The following CACNA1B variants were observed in gnomAD, a reference collection of about 807,000 sequenced individuals.
CACNA1B encodes voltage-dependent N-type calcium channel subunit alpha-1B.
In CACNA1B, 70 loss-of-function variants were observed where a neutral mutation model predicts 247.2. The observed-to-expected ratio is 0.28, with a 90% confidence interval of 0.23 to 0.35. The LOEUF is 0.35. Among genes scored for constraint, CACNA1B ranks in the 10% least tolerant of loss-of-function variants. CACNA1B has a pLI of 1.00. For synonymous variants in CACNA1B, 1,231 were observed against 1,294.4 expected (o/e 0.95, Z 1.05); for missense variants, 2,367 against 3,197.4 (o/e 0.74, Z 6.26).
At chr9:138,108,546 A>T (rs112371978) in intron 39 of CACNA1B, among the ~76,000 whole-genome samples, 2 of 152,324 alleles carry the variant, frequency 1.3e-5, no homozygotes, top group African/African-American at 4.8e-5. Flanking sequence ...CTTTGCTCTG[A>T]TACCAAAACT....
At chr9:137,905,621 G>A (rs1957290634) in intron 3 of CACNA1B, among the ~76,000 whole-genome samples, 1 of 152,032 alleles carries the variant, frequency 6.6e-6, no homozygotes, top group African/African-American at 2.4e-5. Flanking sequence ...AATTTATTAG[G>A]TTTTCAACTT....
At position 138,117,978 on chromosome 9, in the gene CACNA1B, T is replaced by A; in HGVS notation, c.5810T>A (p.Val1937Asp). Reference sequence around the variant, plus strand: ...CAAGAGAGTGGCATCAAAGAGTCTGTCTCCTGGGGCACTCAAAGGACCCAG... The same window carrying A: ...CAAGAGAGTGGCATCAAAGAGTCTGACTCCTGGGGCACTCAAAGGACCCAG... The part of the protein sequence containing the change: ...QNQESGIKES[V>D]SWGTQRTQDA... Residue 1937 changes from valine to aspartate, a missense_variant, in exon 43 of 47, where the codon GTC becomes GAC. Physicochemically the swap from Val to Asp is radical, Grantham distance 152. Transcript: ENST00000371372. The A allele has an allele frequency of 6.3e-7, 1 of 1,592,548 alleles. No individual in the cohort carries two copies. Among genetic ancestry groups the A allele is most frequent in the Non-Finnish European group, 8.6e-7 (1 of 1,167,848 alleles).
rs182488610 is a variant in CACNA1B at position 138,049,668 on chromosome 9, C to T, written c.3710+353C>T. 1.4e-3 allele frequency among the ~76,000 whole-genome samples: 216 copies of T among 152,310 alleles called. 2 individuals are homozygous for T. The highest frequency in any genetic ancestry group is 5.1e-3 in the African/African-American group (211 of 41,562). ...CCTCTGGTGTGTCCAGCGTTTGCCT[C>T]CCAGGGTCCTTGGAGGCAACTTCAC... On this transcript the variant is annotated intron_variant, in intron 24 of 46. Coordinates refer to ENST00000371372, the MANE Select transcript of CACNA1B (RefSeq NM_000718.4).
At chr9:137,927,984 A>G (rs1957570624) in intron 6 of CACNA1B, among the ~76,000 whole-genome samples, 1 of 152,210 alleles carries the variant, frequency 6.6e-6, no homozygotes, top group South Asian at 2.1e-4. Context: ...TAAATCCCAC[A>G]TGGTCATGGT....
chr9:137,879,390 C>T (rs892885786), intron 2 of CACNA1B, among the ~76,000 whole-genome samples: 10 of 152,374 alleles, frequency 6.6e-5, no homozygotes, highest in African/African-American at 2.4e-4. Flanking sequence ...CCAGTCTGCC[C>T]TGTGCCACGA....
Position 138,102,863 on chromosome 9 carries a change from G to C in CACNA1B, c.5319+56G>C. ...GGAGGCTGTGTGTGCTTGCTGAGGG[G>C]TGCTTGCTGGCTCTCCCAGCTCCTC... On this transcript the variant is annotated intron_variant, in intron 38 of 46. Coordinates refer to ENST00000371372, the MANE Select transcript of CACNA1B (RefSeq NM_000718.4). The surrounding 1 kb of genome is among the most constrained non-coding windows in gnomAD (Gnocchi z 5.4). 2 of 1,105,820 alleles carry C rather than the reference G, an allele frequency of 1.8e-6. No homozygotes were observed. The highest frequency in any genetic ancestry group is 1.6e-5 in the African/African-American group (1 of 63,506). The allele number at this position is 1,105,820 out of a possible 1,614,324, so 68.5% of individuals were successfully genotyped here. A position where few individuals can be genotyped will look rare whatever the true frequency, so the allele number is the denominator to read the frequency against.
intron 31 of CACNA1B, among the ~76,000 whole-genome samples, chr9:138,064,033 G>A (rs1959828023): frequency 1.3e-5 from 2 of 152,186 alleles, no homozygotes; most frequent in African/African-American, 2.4e-5. Flanking sequence ...CTGGGCACAC[G>A]AGACCACTGA....
At position 138,058,760 on chromosome 9, in the gene CACNA1B, A is replaced by C. The variant is rs1314857447; in HGVS notation, c.4473+27A>C. 10 of 1,576,290 alleles carry C rather than the reference A, an allele frequency of 6.3e-6. No individual in the cohort carries two copies. Among genetic ancestry groups the C allele is most frequent in the African/African-American group, 1.3e-5 (1 of 74,182 alleles). ...TGTGTGGGGCTCAGCGCAGAGGGGC[A>C]GCTGGCGCTGCTAGGGATTGGGATC... On this transcript the variant is annotated intron_variant, in intron 29 of 46. Transcript: ENST00000371372. The surrounding 1 kb of genome is among the most constrained non-coding windows in gnomAD (Gnocchi z 4.7).
At chr9:137,935,701 T>C (rs1210748986) in intron 6 of CACNA1B, among the ~76,000 whole-genome samples, 1 of 152,242 alleles carries the variant, frequency 6.6e-6, no homozygotes, top group African/African-American at 2.4e-5. Flanking sequence ...ATGGTTGAAC[T>C]AGTTTACACT....
chr9:137,973,499 G>A lies in CACNA1B; in HGVS notation c.1543+1907G>A, dbSNP rs1036699766. ...AAATTGAGGCTCGAGTGGTTAAGAG[G>A]GGCACTGTCAGGACTTGCCATCCTG... is the stretch of plus-strand genomic sequence containing the variant. On this transcript the variant is annotated intron_variant, in intron 11 of 46. Transcript: ENST00000371372. The surrounding 1 kb of genome is among the most constrained non-coding windows in gnomAD (Gnocchi z 4.1). Among the ~76,000 whole-genome samples the A allele has an allele frequency of 2.7e-4, 41 of 152,180 alleles. No individual in the cohort carries two copies. The highest frequency in any genetic ancestry group is 2.5e-3 in the Admixed American group (38 of 15,284).
chr9:137,894,632 T>A (rs1232338482), intron 3 of CACNA1B, among the ~76,000 whole-genome samples: 2 of 152,050 alleles, frequency 1.3e-5, no homozygotes, highest in East Asian at 1.9e-4. Flanking sequence ...ATGATCTCGA[T>A]CTCCTGACCT....
chr9:137,942,968 A>AT (rs61569841), intron 6 of CACNA1B, among the ~76,000 whole-genome samples: 2,967 of 150,934 alleles, frequency 0.02, 66 homozygotes, highest in African/African-American at 0.053. Flanking sequence ...ATGGAAATAA[A>AT]TTTTTTTTTA....
intron 20 of CACNA1B, among the ~76,000 whole-genome samples, chr9:138,039,298 A>G (rs1959087311): frequency 6.6e-6 from 1 of 151,136 alleles, no homozygotes; most frequent in African/African-American, 2.4e-5. Context: ...TCACTTTTGT[A>G]TTTATCTCTT....
At position 137,881,267 on chromosome 9, in the gene CACNA1B, G is replaced by T. The variant is rs1956916247; in HGVS notation, c.391-1477G>T. ...GGAAGAGCATGGGCGAGTCAGCACG[G>T]GTCATGATGGACCCTTGGGTGCTGG... On this transcript the variant is annotated intron_variant, in intron 2 of 46. Coordinates refer to ENST00000371372, the MANE Select transcript of CACNA1B (RefSeq NM_000718.4). The surrounding 1 kb of genome is among the most constrained non-coding windows in gnomAD (Gnocchi z 4.3). Among the ~76,000 whole-genome samples the T allele has an allele frequency of 6.6e-6, 1 of 152,182 alleles. No homozygotes were observed.
Position 138,056,729 on chromosome 9 carries a change from A to G in CACNA1B, c.3969-1003A>G, listed in dbSNP as rs139376170. 2.8e-3 allele frequency among the ~76,000 whole-genome samples: 427 copies of G among 152,214 alleles called. 1 individual carries two copies. Among genetic ancestry groups the G allele is most frequent in the Non-Finnish European group, 4.7e-3 (318 of 68,008 alleles). On this transcript the variant is annotated intron_variant, in intron 26 of 46. Coordinates refer to ENST00000371372, the MANE Select transcript of CACNA1B (RefSeq NM_000718.4). ...CTGAATTCCCCATATCCTTGCCAAC[A>G]CTTGTGGTTTTCCATCTTTTTAGTT...
At chr9:138,097,857 C>T (rs1328115516) in intron 37 of CACNA1B, among the ~76,000 whole-genome samples, 2 of 152,220 alleles carry the variant, frequency 1.3e-5, no homozygotes, top group Non-Finnish European at 2.9e-5. Context: ...GAGCCCTCCA[C>T]AGACACAAAA....
At chr9:137,902,428 G>C (rs1208130519) in intron 3 of CACNA1B, among the ~76,000 whole-genome samples, 1 of 152,310 alleles carries the variant, frequency 6.6e-6, no homozygotes, top group Non-Finnish European at 1.5e-5. Context: ...GCTTCAGGGC[G>C]TAGAAAGTAC....
intron 12 of CACNA1B, among the ~76,000 whole-genome samples, chr9:137,976,306 C>T (rs562613498): frequency 1.3e-5 from 2 of 152,392 alleles, no homozygotes; most frequent in African/African-American, 4.8e-5. Context: ...GGCTCTGCAG[C>T]TACCTCCATG....
At chr9:138,029,936 T>G (rs114105356) in intron 20 of CACNA1B, among the ~76,000 whole-genome samples, 29,455 of 152,076 alleles carry the variant, frequency 0.19, 7,644 homozygotes, top group African/African-American at 0.59. Context: ...AATTTCAAAA[T>G]TAACTATGTA....
Sources: gnomAD v4.1 joint callset for allele counts (sites outside exome capture counted in the v4.1 genomes callset) on GRCh38, gnomAD v4.1.1 for gene constraint, Gnocchi (gnomAD v3.1) non-coding constraint, MANE v1.5 for transcripts, NCBI Gene and HGNC (gene_info 2026-07-23, HGNC 2026-07-21) for gene names.